KCND3: variants seen among roughly 807,000 people sequenced by gnomAD.
KCND3 encodes the protein potassium voltage-gated channel subfamily D member 3.
A neutral mutation model predicts 51.1 loss-of-function variants in KCND3; 9 were observed. The ratio of observed to expected loss-of-function variants is 0.18; its 90% confidence interval spans 0.11 to 0.31. The LOEUF is 0.31. KCND3 is among the 10% of genes least tolerant of loss of function. The probability of loss-of-function intolerance (pLI) is 1.00; values close to 1 mark genes in which losing one functional copy is unlikely to be tolerated. For missense variants in KCND3, 526 were observed against 903.8 expected (o/e 0.58, Z 5.36); for synonymous variants, 349 against 368.0 (o/e 0.95, Z 0.59).
chr1:111,936,456 C>A (rs1213426732), intron 2 of KCND3, among the ~76,000 whole-genome samples: 2 of 152,114 alleles, frequency 1.3e-5, no homozygotes, highest in African/African-American at 4.8e-5. Context: ...GCACAGTGAC[C>A]AGAGAGGAAG....
chr1:111,908,035 G>A (rs1306606922), intron 2 of KCND3, among the ~76,000 whole-genome samples: 4 of 152,200 alleles, frequency 2.6e-5, no homozygotes, highest in Non-Finnish European at 4.4e-5. Context: ...CCCCACTGCA[G>A]AGGAGCCTGC....
chr1:111,847,343 A>G (rs1557974842), intron 2 of KCND3, among the ~76,000 whole-genome samples: 2 of 152,028 alleles, frequency 1.3e-5, no homozygotes, highest in Admixed American at 6.5e-5. Context: ...AAAGCGTGTG[A>G]GTGTGTGTGA....
rs762597610 is a variant in KCND3, at chr1:111,982,431, C to A, written c.296G>T (p.Arg99Leu). The change falls in exon 2 of 8, where the codon CGC (arginine) becomes CTC (leucine). Residue 99 changes from arginine to leucine, a missense_variant. By Grantham distance (102) the Arg-to-Leu change is moderately radical (BLOSUM62 -2). Transcript: ENST00000302127. This position sits in a 1 kb window ranked among gnomAD's most constrained non-coding sequence, Gnocchi z 8.5. ...EVFRCVLNFY[R>L]TGKLHYPRYE... ...GCGCGGGTAGTGCAGCTTCCCCGTG[C>A]GGTAGAAGTTGAGCACGCAGCGGAA... is the stretch of plus-strand genomic sequence containing the variant. The A allele has an allele frequency of 2.5e-6, 4 of 1,614,014 alleles. No individual in the cohort carries two copies. Among genetic ancestry groups the A allele is most frequent in the Middle Eastern group, 3.3e-4 (2 of 6,062 alleles).
In KCND3 at chr1:111,941,421, G is replaced by T. The variant is rs190170544; in HGVS notation, c.1106+40200C>A. Among the ~76,000 whole-genome samples the T allele has an allele frequency of 3.9e-5, 6 of 152,060 alleles. No homozygotes were observed. In the East Asian group the frequency reaches 1.2e-3, roughly 29 times the overall value. Reference sequence around the variant, plus strand: ...TAATCTGGGAGAGCCCAAACCCTCCGTCCAGCTCCCCAGAGCTGGGGGGCT... The same window carrying T: ...TAATCTGGGAGAGCCCAAACCCTCCTTCCAGCTCCCCAGAGCTGGGGGGCT... On this transcript the variant is annotated intron_variant, in intron 2 of 7. Transcript: ENST00000302127.
At chr1:111,797,556 CAAAT>C (rs1306840803) in intron 2 of KCND3, among the ~76,000 whole-genome samples, 1 of 152,138 alleles carries the variant, frequency 6.6e-6, no homozygotes, top group Admixed American at 6.5e-5. Flanking sequence ...GGAAGACAGA[CAAAT>C]AAATCCTGAT....
At chr1:111,840,304 A>G (rs1221659643) in intron 2 of KCND3, among the ~76,000 whole-genome samples, 1 of 152,180 alleles carries the variant, frequency 6.6e-6, no homozygotes, top group Non-Finnish European at 1.5e-5. Flanking sequence ...CTTGCAGAGT[A>G]CTGTGCCCCC....
At chr1:111,801,579 G>A (rs752943701) in intron 2 of KCND3, among the ~76,000 whole-genome samples, 12 of 152,194 alleles carry the variant, frequency 7.9e-5, no homozygotes, top group Non-Finnish European at 1.5e-4. Context: ...GACCAGAGGA[G>A]TCTTAGCCCC....
intron 2 of KCND3, among the ~76,000 whole-genome samples, chr1:111,802,563 A>T (rs567632830): frequency 6.6e-6 from 1 of 152,190 alleles, no homozygotes; most frequent in Non-Finnish European, 1.5e-5. Context: ...CCTACAGGGA[A>T]TGGTTAATAT....
rs190197757 is a variant in KCND3, at chr1:111,983,688, C to T, written c.-72-890G>A. The stretch of plus-strand genomic sequence containing the variant: ...CTCTCCTCCCATCTCCATCTGCCCA[C>T]CATCCATAACTCCCTCAGGTTATAT... On this transcript the variant is annotated intron_variant, in intron 1 of 7. Transcript: ENST00000302127. Among the ~76,000 whole-genome samples, 15 of 152,240 alleles carry T rather than the reference C, an allele frequency of 9.9e-5. No individual in the cohort carries two copies. The East Asian group carries it at 2.9e-3, about 29-fold the overall frequency.
At chr1:111,776,418 G>T in intron 7 of KCND3, 140 bp from the exon 8 acceptor site, 1 of 812,412 alleles carries the variant, frequency 1.2e-6, no homozygotes, top group Non-Finnish European at 2.1e-6. Flanking sequence ...TAATCAACTT[G>T]TAATTATCCA....
chr1:111,780,431 G>T lies in KCND3; in HGVS notation c.1372-117C>A. ...AGAATAATCAAATTTTTTTTTATTTGACCAAATTTCAGGGTCAGCATTGAA... is the reference window on the plus strand; with the variant it reads ...AGAATAATCAAATTTTTTTTTATTTTACCAAATTTCAGGGTCAGCATTGAA... On this transcript the variant is annotated intron_variant, in intron 4 of 7. Coordinates refer to ENST00000302127, the MANE Select transcript of KCND3 (RefSeq NM_001378969.1). The surrounding 1 kb of genome is among the most constrained non-coding windows in gnomAD (Gnocchi z 4.2). The T allele has an allele frequency of 9.1e-7, 1 of 1,100,312 alleles. No individual in the cohort carries two copies. Among genetic ancestry groups the T allele is most frequent in the Non-Finnish European group, 1.4e-6 (1 of 739,582 alleles). The allele number at this position is 1,100,312 out of a possible 1,614,324, so 68.2% of individuals were successfully genotyped here.
intron 2 of KCND3, among the ~76,000 whole-genome samples, chr1:111,918,625 G>C (rs1008107586): frequency 1.3e-5 from 2 of 152,134 alleles, no homozygotes; most frequent in African/African-American, 4.8e-5. Flanking sequence ...GAGGGGAGTT[G>C]CTAGTAAGAC....
At chr1:111,800,131 C>T (rs111956778) in intron 2 of KCND3, among the ~76,000 whole-genome samples, 4,573 of 144,742 alleles carry the variant, frequency 0.032, 143 homozygotes, top group African/African-American at 0.071. Context: ...ATTGAGAAAT[C>T]GGATGGTTGC....
intron 2 of KCND3, among the ~76,000 whole-genome samples, chr1:111,949,944 T>C (rs1672972881): frequency 6.6e-6 from 1 of 152,250 alleles, no homozygotes; most frequent in African/African-American, 2.4e-5. Flanking sequence ...AGAGCCTCAC[T>C]CTGTTGCTCA....
chr1:111,854,677 C>T (rs1379069976), intron 2 of KCND3, among the ~76,000 whole-genome samples: 3 of 152,224 alleles, frequency 2.0e-5, no homozygotes, highest in African/African-American at 7.2e-5. Context: ...ACATCCTGCT[C>T]TTAGTTGCTG....
intron 2 of KCND3, among the ~76,000 whole-genome samples, chr1:111,886,951 A>G (rs1669598792): frequency 1.3e-5 from 2 of 152,150 alleles, no homozygotes; most frequent in Non-Finnish European, 1.5e-5. Flanking sequence ...AAATTCTTGG[A>G]GCAGGTGGGA....
At chr1:111,886,075 G>A (rs1669558101) in intron 2 of KCND3, among the ~76,000 whole-genome samples, 1 of 152,192 alleles carries the variant, frequency 6.6e-6, no homozygotes, top group African/African-American at 2.4e-5. Flanking sequence ...CAATGCAATT[G>A]AACAGATGCA....
At chr1:111,944,065 A>G (rs1387420480) in intron 2 of KCND3, among the ~76,000 whole-genome samples, 1 of 152,236 alleles carries the variant, frequency 6.6e-6, no homozygotes, top group Non-Finnish European at 1.5e-5. Flanking sequence ...ACTATTTATT[A>G]GACTTATTAT....
At chr1:111,923,289 C>G (rs1671559196) in intron 2 of KCND3, among the ~76,000 whole-genome samples, 1 of 152,208 alleles carries the variant, frequency 6.6e-6, no homozygotes, top group African/African-American at 2.4e-5. Context: ...AGCACAGCAT[C>G]AGACACGACC....
Sources: gnomAD v4.1 joint callset for allele counts (sites outside exome capture counted in the v4.1 genomes callset) on GRCh38, gnomAD v4.1.1 for gene constraint, Gnocchi (gnomAD v3.1) non-coding constraint, MANE v1.5 for transcripts, NCBI Gene and HGNC (gene_info 2026-07-23, HGNC 2026-07-21) for gene names.